The following PTPRG variants were observed in gnomAD, a reference collection of about 807,000 sequenced individuals.
The protein encoded by PTPRG is receptor-type tyrosine-protein phosphatase gamma.
A neutral mutation model predicts 165.3 loss-of-function variants in PTPRG; 102 were observed. That is an observed-to-expected ratio of 0.62 (90% CI 0.53 to 0.73). The LOEUF is 0.73. Ranked by LOEUF, PTPRG falls within the 30% of genes least tolerant of loss-of-function variation. The pLI, the probability that PTPRG is intolerant of heterozygous loss-of-function variation, is 0.00. For synonymous variants in PTPRG, 675 were observed against 669.5 expected (o/e 1.01, Z -0.13); for missense variants, 1,866 against 1,861.4 (o/e 1.00, Z -0.05).
chr3:61,957,478 T>G (rs1226671837), intron 2 of PTPRG, among the ~76,000 whole-genome samples: 1 of 152,236 alleles, frequency 6.6e-6, no homozygotes, highest in Non-Finnish European at 1.5e-5. Context: ...TCCACAAATT[T>G]ATTGACTTGG....
chr3:62,116,789 A>G (rs1702883693), intron 5 of PTPRG, among the ~76,000 whole-genome samples: 1 of 152,218 alleles, frequency 6.6e-6, no homozygotes, highest in Non-Finnish European at 1.5e-5. Flanking sequence ...GCAAATCACA[A>G]CACACATTTC....
chr3:61,988,118 G>A (rs1285064006), intron 2 of PTPRG, among the ~76,000 whole-genome samples: 2 of 152,144 alleles, frequency 1.3e-5, no homozygotes, highest in African/African-American at 4.8e-5. Flanking sequence ...CTAGACCTTT[G>A]CCAGTCAGTG....
chr3:61,824,763 C>G (rs1268351760), intron 2 of PTPRG, among the ~76,000 whole-genome samples: 1 of 152,160 alleles, frequency 6.6e-6, no homozygotes, highest in Non-Finnish European at 1.5e-5. Context: ...TGTACTTCAG[C>G]CTGGGCAACA....
At chr3:61,742,432 A>C in intron 1 of PTPRG, 3 of 990,388 alleles carry the variant, frequency 3.0e-6, no homozygotes, top group Non-Finnish European at 4.3e-6. Context: ...TTGAACTGGT[A>C]ATAGAATTTA....
chr3:61,719,235 G>A (rs556740086), intron 1 of PTPRG, among the ~76,000 whole-genome samples: 4 of 152,320 alleles, frequency 2.6e-5, no homozygotes, highest in East Asian at 1.9e-4. Flanking sequence ...GAATTTGTTC[G>A]TTGACTTGTA....
intron 2 of PTPRG, among the ~76,000 whole-genome samples, chr3:61,805,991 A>G (rs529406914): frequency 6.6e-6 from 1 of 152,328 alleles, no homozygotes; most frequent in African/African-American, 2.4e-5. Flanking sequence ...TAAGAAAAAT[A>G]CAGCACAAAC....
chr3:62,132,538 A>G, intron 5 of PTPRG, 64 bp from the exon 6 acceptor site: 1 of 1,306,514 alleles, frequency 7.7e-7, no homozygotes, highest in South Asian at 1.2e-5. Context: ...TTAGAAGATT[A>G]AACTGAGACT....
chr3:61,708,850 T>C (rs925297935), intron 1 of PTPRG, among the ~76,000 whole-genome samples: 3 of 152,230 alleles, frequency 2.0e-5, no homozygotes, highest in African/African-American at 7.2e-5. Flanking sequence ...GAAACTTATA[T>C]TTCATGTGAC....
chr3:61,675,580 C>G (rs1238250798), intron 1 of PTPRG, among the ~76,000 whole-genome samples: 2 of 152,040 alleles, frequency 1.3e-5, no homozygotes, highest in Non-Finnish European at 2.9e-5. Flanking sequence ...TTTTGGCTAT[C>G]TTTTAATAAC....
intron 2 of PTPRG, among the ~76,000 whole-genome samples, chr3:61,850,289 G>A (rs1300751456): frequency 2.0e-5 from 3 of 151,978 alleles, no homozygotes; most frequent in African/African-American, 4.8e-5. Context: ...TCAGCCTCCC[G>A]AGTAGCTGGG....
intron 1 of PTPRG, among the ~76,000 whole-genome samples, chr3:61,646,350 A>G (rs1043605657): frequency 1.3e-5 from 2 of 152,212 alleles, no homozygotes; most frequent in Non-Finnish European, 2.9e-5. Context: ...AGCTCAAGTG[A>G]TAACGCCTGC....
At chr3:61,599,797 C>G (rs555112003) in intron 1 of PTPRG, among the ~76,000 whole-genome samples, 2 of 152,148 alleles carry the variant, frequency 1.3e-5, no homozygotes, top group South Asian at 2.1e-4. Context: ...CCTGGCTGAT[C>G]CTGCATTCTT....
chr3:62,180,230 C>T (rs765994192), intron 8 of PTPRG, among the ~76,000 whole-genome samples: 3 of 152,186 alleles, frequency 2.0e-5, no homozygotes, highest in Non-Finnish European at 4.4e-5. Flanking sequence ...AAAAACAGCT[C>T]ATGGGATCTT....
rs1246944165 is a variant in PTPRG, at chr3:62,124,386, G to T, written c.616-8216G>T. On this transcript the variant is annotated intron_variant, in intron 5 of 29. Coordinates refer to ENST00000474889, the MANE Select transcript of PTPRG (RefSeq NM_002841.4). The stretch of plus-strand genomic sequence containing the variant: ...GGATGCAAGTCCAGGGTGATCTGCA[G>T]GTCCAAGATGTAGTCGATGACGTGC... The T allele has an allele frequency of 5.0e-6, 8 of 1,613,102 alleles. No individual in the cohort carries two copies. In the Admixed American group the frequency reaches 8.3e-5, roughly 17 times the overall value.
chr3:62,055,098 C>G (rs1169205379), intron 4 of PTPRG, among the ~76,000 whole-genome samples: 2 of 152,184 alleles, frequency 1.3e-5, no homozygotes, highest in Non-Finnish European at 2.9e-5. Flanking sequence ...CTGATACACT[C>G]ACATCATAAA....
chr3:61,703,116 CCT>C (rs1239054736), intron 1 of PTPRG, among the ~76,000 whole-genome samples: 1 of 152,034 alleles, frequency 6.6e-6, no homozygotes, highest in East Asian at 1.9e-4. Context: ...AATTTTAAAG[CCT>C]GTATTTCTCC....
intron 4 of PTPRG, among the ~76,000 whole-genome samples, chr3:62,034,489 G>A (rs912789330): frequency 1.3e-5 from 2 of 152,318 alleles, no homozygotes; most frequent in Non-Finnish European, 2.9e-5. Flanking sequence ...GCGGTCTCTT[G>A]GAAAGGCAGC....
intron 2 of PTPRG, among the ~76,000 whole-genome samples, chr3:61,894,840 TA>T (rs1249483976): frequency 1.3e-5 from 2 of 151,984 alleles, no homozygotes; most frequent in Admixed American, 6.5e-5. Context: ...ATCTTGCTTT[TA>T]TTTTTTTTTT....
chr3:61,579,692 G>A (rs960832713), intron 1 of PTPRG, among the ~76,000 whole-genome samples: 2 of 152,198 alleles, frequency 1.3e-5, no homozygotes, highest in Admixed American at 6.5e-5. Context: ...TACCATCTAC[G>A]CGCAGCTTGT....
Sources: allele counts gnomAD v4.1 joint callset (sites outside exome capture counted in the v4.1 genomes callset), GRCh38; gene constraint gnomAD v4.1.1; transcripts MANE v1.5; gene names NCBI Gene and HGNC (gene_info 2026-07-23, HGNC 2026-07-21).